TRIM24: variants seen among roughly 807,000 people sequenced by gnomAD.
TRIM24 encodes transcription intermediary factor 1-alpha.
In TRIM24, 29 loss-of-function variants were observed where a neutral mutation model predicts 123.9. The observed-to-expected ratio is 0.23, with a 90% CI of 0.17 to 0.32. The LOEUF (loss-of-function observed/expected upper bound fraction) is 0.32, where lower values mean the gene tolerates loss of function less well. Ranked by LOEUF, TRIM24 falls within the 10% of genes least tolerant of loss-of-function variation. The probability of loss-of-function intolerance (pLI) is 1.00; values close to 1 mark genes in which losing one functional copy is unlikely to be tolerated. For missense variants in TRIM24, 932 were observed against 1,295.3 expected (o/e 0.72, Z 4.31); for synonymous variants, 456 against 461.1 (o/e 0.99, Z 0.14).
intron 1 of TRIM24, among the ~76,000 whole-genome samples, chr7:138,466,901 T>G (rs1795154176): frequency 6.6e-6 from 1 of 152,218 alleles, no homozygotes; most frequent in East Asian, 1.9e-4. Flanking sequence ...TCTCCACTTT[T>G]TAACCCAGCA....
chr7:138,472,575 G>C (rs897807666), intron 1 of TRIM24, among the ~76,000 whole-genome samples: 5 of 152,138 alleles, frequency 3.3e-5, no homozygotes, highest in Admixed American at 6.5e-5. Flanking sequence ...TTTTGAAGTT[G>C]ACCAATAAAA....
intron 9 of TRIM24, among the ~76,000 whole-genome samples, chr7:138,564,576 A>G (rs998394850): frequency 1.3e-5 from 2 of 152,224 alleles, no homozygotes; most frequent in South Asian, 2.1e-4. Context: ...AGCATTTTGC[A>G]GTAAGCTGCC....
intron 1 of TRIM24, among the ~76,000 whole-genome samples, chr7:138,472,383 A>C (rs1300692640): frequency 6.6e-6 from 1 of 152,134 alleles, no homozygotes; most frequent in African/African-American, 2.4e-5. Context: ...GATAGGAGAC[A>C]CACTTTCTCT....
intron 1 of TRIM24, among the ~76,000 whole-genome samples, chr7:138,477,723 C>T (rs1299183245): frequency 6.6e-6 from 1 of 152,078 alleles, no homozygotes; most frequent in East Asian, 1.9e-4. Context: ...GTAAAGCAAG[C>T]AGATACTTGT....
chr7:138,582,071 G>C (rs192618813), intron 17 of TRIM24, among the ~76,000 whole-genome samples: 1 of 151,902 alleles, frequency 6.6e-6, no homozygotes, highest in African/African-American at 2.4e-5. Flanking sequence ...GCATGTTTCC[G>C]AAGCTGTTGG....
At chr7:138,580,756 G>T in intron 16 of TRIM24, 62 bp downstream of exon 16, 1 of 1,485,750 alleles carries the variant, frequency 6.7e-7, no homozygotes, top group Non-Finnish European at 9.1e-7. Flanking sequence ...GGTACCTTTT[G>T]TCAAAGAGGT....
rs1379993666 is a variant in TRIM24, at chr7:138,518,591, G to T, written c.632-598G>T. 4.6e-5 allele frequency among the ~76,000 whole-genome samples: 7 copies of T among 152,096 alleles called. No individual in the cohort carries two copies. The East Asian group carries it at 1.4e-3, about 29-fold the overall frequency. On this transcript the variant is annotated intron_variant, in intron 3 of 18. Coordinates refer to ENST00000343526, the MANE Select transcript of TRIM24 (RefSeq NM_015905.3). ...CTCTGTTAGGATTTTTACAAAAGTG[G>T]GTTATTTGACTACTCCTTTTAGGCA... is the stretch of plus-strand genomic sequence containing the variant.
At chr7:138,478,281 A>T (rs1449821921) in intron 1 of TRIM24, among the ~76,000 whole-genome samples, 1 of 152,118 alleles carries the variant, frequency 6.6e-6, no homozygotes, top group Non-Finnish European at 1.5e-5. Flanking sequence ...TTAAAAAGAA[A>T]TTGGTTTATG....
At chr7:138,490,578 A>G (rs1795759451) in intron 1 of TRIM24, 1 of 214,532 alleles carries the variant, frequency 4.7e-6, no homozygotes. Context: ...ACAATTAGAA[A>G]ACAGATTATT....
rs189589204 is a variant in TRIM24 at position 138,512,421 on chromosome 7, G to A, written c.484-2791G>A. On this transcript the variant is annotated intron_variant, in intron 2 of 18. Coordinates refer to ENST00000343526, the MANE Select transcript of TRIM24 (RefSeq NM_015905.3). ...TGTACTGCGCGAGTAGAGGTTCTCC[G>A]TGAAGGCTCTGCCCCTGCAGCAGGC... Among the ~76,000 whole-genome samples, 35 of 152,264 alleles carry A rather than the reference G, an allele frequency of 2.3e-4. No individual in the cohort carries two copies. The East Asian group carries it at 6.2e-3, about 27-fold the overall frequency.
intron 9 of TRIM24, among the ~76,000 whole-genome samples, chr7:138,557,439 GTCTC>G (rs1433545808): frequency 6.6e-6 from 1 of 152,158 alleles, no homozygotes; most frequent in Non-Finnish European, 1.5e-5. Flanking sequence ...GGTTACAAGA[GTCTC>G]TATGGCCGAT....
At chr7:138,568,746 T>TAAAGTA (rs11283223) in intron 10 of TRIM24, among the ~76,000 whole-genome samples, 113,654 of 151,138 alleles carry the variant, frequency 0.75, 43,014 homozygotes, top group Non-Finnish European at 0.79. Flanking sequence ...TACATTATCT[T>TAAAGTA]AAAGTTATCA....
chr7:138,520,856 A>G (rs1015268322), intron 4 of TRIM24, among the ~76,000 whole-genome samples: 2 of 152,184 alleles, frequency 1.3e-5, no homozygotes, highest in African/African-American at 4.8e-5. Context: ...AGTAGAAGAG[A>G]TTAAACATCT....
At chr7:138,579,745 G>A (rs1490972367) in intron 15 of TRIM24, among the ~76,000 whole-genome samples, 1 of 152,142 alleles carries the variant, frequency 6.6e-6, no homozygotes, top group Non-Finnish European at 1.5e-5. Flanking sequence ...AACACAGGGA[G>A]ACCCTGTCTG....
chr7:138,551,631 C>T (rs916188797), intron 8 of TRIM24, among the ~76,000 whole-genome samples: 1 of 152,136 alleles, frequency 6.6e-6, no homozygotes, highest in African/African-American at 2.4e-5. Context: ...CATTGACTGA[C>T]AGGGTGTCTA....
chr7:138,580,734 A>G (rs750158053), intron 16 of TRIM24, 40 bp downstream of exon 16: 38 of 1,584,566 alleles, frequency 2.4e-5, no homozygotes, highest in African/African-American at 1.3e-5. Flanking sequence ...TTGTAGTGCA[A>G]TATTGTACTG....
At chr7:138,523,337 T>C (rs2116572566) in intron 4 of TRIM24, among the ~76,000 whole-genome samples, 1 of 152,346 alleles carries the variant, frequency 6.6e-6, no homozygotes, top group South Asian at 2.1e-4. Context: ...TTAACAAAAC[T>C]TTTGCTAAAT....
At chr7:138,526,527 T>G (rs1584719264) in intron 5 of TRIM24, among the ~76,000 whole-genome samples, 1 of 152,080 alleles carries the variant, frequency 6.6e-6, no homozygotes, top group East Asian at 1.9e-4. Context: ...CACTGCAACC[T>G]CTGCCTCCTG....
chr7:138,532,745 T>C (rs902381967), intron 6 of TRIM24, among the ~76,000 whole-genome samples: 12 of 152,234 alleles, frequency 7.9e-5, no homozygotes, highest in African/African-American at 2.9e-4. Flanking sequence ...TCCAATTCTG[T>C]GAAGAAAGTC....
Sources: gnomAD v4.1 joint callset for allele counts (sites outside exome capture counted in the v4.1 genomes callset) on GRCh38, gnomAD v4.1.1 for gene constraint, MANE v1.5 for transcripts, NCBI Gene and HGNC (gene_info 2026-07-23, HGNC 2026-07-21) for gene names.